TOM1L2: variants seen among roughly 807,000 people sequenced by gnomAD.
TOM1L2 encodes TOM1-like protein 2.
In TOM1L2, 31 loss-of-function variants were observed where a neutral mutation model predicts 67.9. That is an observed-to-expected ratio of 0.46 (90% CI 0.34 to 0.62). The LOEUF (loss-of-function observed/expected upper bound fraction) is 0.62. TOM1L2 is among the 20% of genes least tolerant of loss of function. TOM1L2 has a pLI of 0.01. For synonymous variants in TOM1L2, 256 were observed against 254.0 expected (o/e 1.01, Z -0.07); for missense variants, 606 against 663.5 (o/e 0.91, Z 0.95).
Position 17,855,108 on chromosome 17 carries a change from T to G in TOM1L2, c.1279-4156A>C, listed in dbSNP as rs115553254. ...TCAAAGTCCACAGACATCTTGGATG[T>G]CAGAAGCCACAGGTTTTGATCTGAG... On this transcript the variant is annotated intron_variant, in intron 12 of 14. Coordinates refer to ENST00000379504, the MANE Select transcript of TOM1L2 (RefSeq NM_001082968.2). 3.1e-3 allele frequency among the ~76,000 whole-genome samples: 468 copies of G among 152,296 alleles called. 4 individuals carry two copies. The highest frequency in any genetic ancestry group is 0.011 in the African/African-American group (439 of 41,556).
At chr17:17,898,066 C>T (rs1242078101) in intron 3 of TOM1L2, among the ~76,000 whole-genome samples, 1 of 151,960 alleles carries the variant, frequency 6.6e-6, no homozygotes, top group Non-Finnish European at 1.5e-5. Context: ...GCTGGGACTA[C>T]AGGCACCTGC....
At chr17:17,890,721 G>A (rs569013626) in intron 4 of TOM1L2, among the ~76,000 whole-genome samples, 1 of 152,196 alleles carries the variant, frequency 6.6e-6, no homozygotes, top group Admixed American at 6.5e-5. Context: ...GTGGTCATCC[G>A]GAAGGTGGGA....
At chr17:17,947,919 A>G (rs2041023512) in intron 1 of TOM1L2, among the ~76,000 whole-genome samples, 1 of 151,966 alleles carries the variant, frequency 6.6e-6, no homozygotes, top group Non-Finnish European at 1.5e-5. Flanking sequence ...TTAAATATAT[A>G]CTCTTTCCAG....
At position 17,844,259 on chromosome 17, in the gene TOM1L2, G is replaced by C. The variant is rs376201287; in HGVS notation, c.*3376C>G. On this transcript the variant is annotated 3_prime_UTR_variant, in exon 15 of 15. Coordinates refer to ENST00000379504, the MANE Select transcript of TOM1L2 (RefSeq NM_001082968.2). The stretch of plus-strand genomic sequence containing the variant: ...GCGTGTCTGCGGGGGCCCAGGGTGG[G>C]GTGTGGCAGCGGGAAGGAGGGGGGC... 6.6e-6 allele frequency: 1 copy of C among 152,378 alleles called. No homozygotes were observed. The highest frequency in any genetic ancestry group is 2.4e-5 in the African/African-American group (1 of 41,462). The allele number at this position is 152,378 out of a possible 1,614,324, so 9.4% of individuals were successfully genotyped here.
At chr17:17,882,634 G>C in intron 6 of TOM1L2, 71 bp downstream of exon 6, 1 of 1,581,808 alleles carries the variant, frequency 6.3e-7, no homozygotes, top group Non-Finnish European at 8.6e-7. Context: ...GGAGGCCTTT[G>C]TAAGTGTCTC....
chr17:17,923,325 C>T (rs1272740596), intron 1 of TOM1L2, among the ~76,000 whole-genome samples: 5 of 151,934 alleles, frequency 3.3e-5, no homozygotes, highest in Non-Finnish European at 5.9e-5. Flanking sequence ...CACTTGAACC[C>T]GGGAGGTGGA....
intron 3 of TOM1L2, among the ~76,000 whole-genome samples, chr17:17,897,203 T>C (rs759204570): frequency 2.0e-5 from 3 of 152,262 alleles, no homozygotes; most frequent in African/African-American, 2.4e-5. Context: ...CCTCGTGATA[T>C]GAGTTATTGA....
intron 1 of TOM1L2, among the ~76,000 whole-genome samples, chr17:17,961,446 A>G (rs2041673496): frequency 6.6e-6 from 1 of 151,954 alleles, no homozygotes; most frequent in Non-Finnish European, 1.5e-5. Context: ...ATGGTGGTGC[A>G]TGCCTATAGT....
intron 1 of TOM1L2, among the ~76,000 whole-genome samples, chr17:17,911,909 G>A (rs1233840024): frequency 4.1e-5 from 6 of 148,144 alleles, no homozygotes; most frequent in South Asian, 2.2e-4. Flanking sequence ...ATCTTGCACC[G>A]CCCTTAATCC....
At chr17:17,918,688 G>A (rs779059206) in intron 1 of TOM1L2, among the ~76,000 whole-genome samples, 11 of 152,230 alleles carry the variant, frequency 7.2e-5, no homozygotes, top group Non-Finnish European at 1.6e-4. Flanking sequence ...CTTTGCTGCC[G>A]CCCACAAGAG....
At chr17:17,953,484 C>G (rs898274835) in intron 1 of TOM1L2, among the ~76,000 whole-genome samples, 60 of 152,126 alleles carry the variant, frequency 3.9e-4, no homozygotes, top group African/African-American at 1.4e-3. Flanking sequence ...GACAGAGAAC[C>G]ACTGTCCCTG....
intron 1 of TOM1L2, among the ~76,000 whole-genome samples, chr17:17,956,391 G>A (rs1055726482): frequency 6.6e-6 from 1 of 152,194 alleles, no homozygotes; most frequent in African/African-American, 2.4e-5. Flanking sequence ...AGACATAAAG[G>A]TTCTCTAAGT....
Position 17,844,418 on chromosome 17 carries a change from C to T in TOM1L2, c.*3217G>A, listed in dbSNP as rs2035538902. On this transcript the variant is annotated 3_prime_UTR_variant, in exon 15 of 15. Transcript: ENST00000379504. Reference sequence around the variant, plus strand: ...GGAGTGACAGCACAGGCCCCAAGACCACCAGGTGGCATGGTGGGGTGGTGG... The same window carrying T: ...GGAGTGACAGCACAGGCCCCAAGACTACCAGGTGGCATGGTGGGGTGGTGG... The T allele has an allele frequency of 6.6e-6, 1 of 152,336 alleles. No individual in the cohort carries two copies. The highest frequency in any genetic ancestry group is 2.1e-4 in the South Asian group (1 of 4,834). The allele number at this position is 152,336 out of a possible 1,614,324, so 9.4% of individuals were successfully genotyped here. A position where few individuals can be genotyped will look rare whatever the true frequency, so the allele number is the denominator to read the frequency against.
At chr17:17,919,325 C>T (rs2039755928) in intron 1 of TOM1L2, among the ~76,000 whole-genome samples, 1 of 152,148 alleles carries the variant, frequency 6.6e-6, no homozygotes, top group Non-Finnish European at 1.5e-5. Context: ...CCAGTGCCCT[C>T]CCCTTGCACC....
At position 17,869,421 on chromosome 17, in the gene TOM1L2, G is replaced by A; in HGVS notation, c.830C>T (p.Ser277Phe). 2 of 1,613,626 alleles carry A rather than the reference G, an allele frequency of 1.2e-6. No homozygotes were observed. Among genetic ancestry groups the A allele is most frequent in the African/African-American group, 1.3e-5 (1 of 75,014 alleles). The change falls in exon 8 of 15, where the codon TCC (serine) becomes TTC (phenylalanine). Residue 277 changes from serine (S) to phenylalanine (F), a missense_variant. Transcript: ENST00000379504. The stretch of plus-strand genomic sequence containing the variant: ...GGTGACCTCCTCATTGGACACGCGG[G>A]AGATGAGCTCCACGATGCGCTGCTG... Reference protein sequence around the residue: ...AMQQRIVELISRVSNEEVTEE... With the variant: ...AMQQRIVELIFRVSNEEVTEE...
At chr17:17,906,855 G>A (rs2039121879) in intron 2 of TOM1L2, among the ~76,000 whole-genome samples, 1 of 152,204 alleles carries the variant, frequency 6.6e-6, no homozygotes, top group African/African-American at 2.4e-5. Context: ...TGGACAGAGG[G>A]CTAAATACAG....
chr17:17,843,762 A>G lies in TOM1L2; in HGVS notation c.*3873T>C, dbSNP rs1222498174. 1.3e-5 allele frequency: 2 copies of G among 152,520 alleles called. No homozygotes were observed. Among genetic ancestry groups the G allele is most frequent in the Non-Finnish European group, 2.9e-5 (2 of 68,062 alleles). 9.4% of individuals were successfully genotyped at this position (152,520 alleles called of 1,614,324 possible). On this transcript the variant is annotated 3_prime_UTR_variant, in exon 15 of 15. Coordinates refer to ENST00000379504, the MANE Select transcript of TOM1L2 (RefSeq NM_001082968.2). ...TCAGTAGCCCCCAACAATCCTGAGA[A>G]TCCTCACAATTAAGTGCAAACTTTA...
At chr17:17,874,553 G>C (rs2037325091) in intron 7 of TOM1L2, among the ~76,000 whole-genome samples, 3 of 152,200 alleles carry the variant, frequency 2.0e-5, no homozygotes, top group African/African-American at 7.2e-5. Context: ...TTACAGGTGT[G>C]AGTCACTATG....
chr17:17,971,569 C>T (rs928447402), intron 1 of TOM1L2, among the ~76,000 whole-genome samples: 1 of 151,610 alleles, frequency 6.6e-6, no homozygotes, highest in African/African-American at 2.4e-5. Flanking sequence ...GGTGCCCAGT[C>T]TGAGGGTTGC....
Sources: gnomAD v4.1 joint callset for allele counts (sites outside exome capture counted in the v4.1 genomes callset) on GRCh38, gnomAD v4.1.1 for gene constraint, MANE v1.5 for transcripts, NCBI Gene and HGNC (gene_info 2026-07-23, HGNC 2026-07-21) for gene names.